Variants in ATF7 observed in about 807,000 individuals in gnomAD.
ATF7 encodes cyclic AMP-dependent transcription factor ATF-7.
Under a neutral mutation model 50.4 loss-of-function variants are expected in ATF7, and 10 were observed. The observed-to-expected ratio is 0.20, with a 90% CI of 0.12 to 0.34. The LOEUF (loss-of-function observed/expected upper bound fraction) is 0.34, where lower values mean the gene tolerates loss of function less well. Ranked by LOEUF, ATF7 falls within the 10% of genes least tolerant of loss-of-function variation. The pLI is 1.00. For missense variants in ATF7, 465 were observed against 613.9 expected (o/e 0.76, Z 2.56); for synonymous variants, 201 against 226.4 (o/e 0.89, Z 1.01).
rs1471021223 is a variant in ATF7 at position 53,513,619 on chromosome 12, T to G, written c.*3518A>C. On this transcript the variant is annotated 3_prime_UTR_variant, in exon 12 of 12. Transcript: ENST00000420353. ...AAAAAAATAATGTATTTCCTTCCTG[T>G]GTATATAATGTACAATATTAATGAA... 2 of 152,150 alleles carry G rather than the reference T, an allele frequency of 1.3e-5. No individual in the cohort carries two copies. The highest frequency in any genetic ancestry group is 4.8e-5 in the African/African-American group (2 of 41,410). The allele number at this position is 152,150 out of a possible 1,614,324, so 9.4% of individuals were successfully genotyped here.
At chr12:53,605,738 C>T (rs1474974564) in intron 1 of ATF7, among the ~76,000 whole-genome samples, 1 of 152,080 alleles carries the variant, frequency 6.6e-6, no homozygotes, top group Non-Finnish European at 1.5e-5. Flanking sequence ...AGTTTTCTGA[C>T]TAGAAAGGGG....
At chr12:53,580,076 G>A (rs1044054541) in intron 2 of ATF7, among the ~76,000 whole-genome samples, 2 of 151,670 alleles carry the variant, frequency 1.3e-5, no homozygotes, top group Non-Finnish European at 2.9e-5. Flanking sequence ...GACTACAAGC[G>A]CACACTGCCA....
chr12:53,524,444 C>A lies in ATF7; in HGVS notation c.1125+120G>T. ...GACCGTTAAGAGATTCTTCATGGGA[C>A]AACTAGATCTGTCCTAATTAGAGAA... On this transcript the variant is annotated intron_variant, in intron 10 of 11. Transcript: ENST00000420353. This position sits in a 1 kb window ranked among gnomAD's most constrained non-coding sequence, Gnocchi z 4.6. The A allele has an allele frequency of 8.8e-7, 1 of 1,140,406 alleles. No individual in the cohort carries two copies. The allele number at this position is 1,140,406 out of a possible 1,614,324, so 70.6% of individuals were successfully genotyped here. A position where few individuals can be genotyped will look rare whatever the true frequency, so the allele number is the denominator to read the frequency against.
chr12:53,623,198 C>T (rs1401588256), intron 1 of ATF7, among the ~76,000 whole-genome samples: 1 of 152,008 alleles, frequency 6.6e-6, no homozygotes, highest in Non-Finnish European at 1.5e-5. Flanking sequence ...AGACTTTCTC[C>T]TTAGAGTATT....
intron 2 of ATF7, among the ~76,000 whole-genome samples, chr12:53,560,138 G>A (rs983955686): frequency 6.6e-6 from 1 of 151,954 alleles, no homozygotes; most frequent in Non-Finnish European, 1.5e-5. Context: ...TGGCCAGGTT[G>A]GTCTTGAACT....
downstream of ATF7, among the ~76,000 whole-genome samples, chr12:53,510,493 TG>T (rs1446715776): frequency 6.6e-6 from 1 of 151,622 alleles, no homozygotes; most frequent in African/African-American, 2.4e-5. Flanking sequence ...ACTGCAGAGC[TG>T]GTTCTGGGCC....
intron 2 of ATF7, among the ~76,000 whole-genome samples, chr12:53,581,119 A>T (rs557901959): frequency 3.1e-4 from 47 of 152,094 alleles, no homozygotes; most frequent in South Asian, 1.0e-3. Context: ...CTCAAAAAAA[A>T]AAATAAATAA....
At chr12:53,545,566 C>T (rs920117767) in intron 3 of ATF7, among the ~76,000 whole-genome samples, 1 of 152,050 alleles carries the variant, frequency 6.6e-6, no homozygotes, top group African/African-American at 2.4e-5. Flanking sequence ...GAACTCCCAA[C>T]CTCAGGTGAT....
At chr12:53,543,708 T>C in intron 3 of ATF7, 1 of 428,452 alleles carries the variant, frequency 2.3e-6, no homozygotes, top group Non-Finnish European at 4.2e-6. Flanking sequence ...GTACCCACTT[T>C]TCTCTCAGTG....
At chr12:53,520,288 T>C (rs1938033724) in intron 11 of ATF7, among the ~76,000 whole-genome samples, 1 of 152,114 alleles carries the variant, frequency 6.6e-6, no homozygotes, top group African/African-American at 2.4e-5. Flanking sequence ...CTTTAAAAAC[T>C]AACTATGGCC....
intron 1 of ATF7, among the ~76,000 whole-genome samples, chr12:53,606,549 GGC>G (rs1490789428): frequency 1.3e-5 from 2 of 151,726 alleles, no homozygotes; most frequent in African/African-American, 4.8e-5. Flanking sequence ...TGCCTGGCCT[GGC>G]ACGTTTTTTT....
chr12:53,621,707 T>C lies in ATF7; in HGVS notation c.-22+4572A>G, dbSNP rs562267099. ...TGGTGGCTGAGGCAGGAGAATCGCT[T>C]GAACCCGGGAGGCGGAGGTTGCAGT... On this transcript the variant is annotated intron_variant, in intron 1 of 11. Transcript: ENST00000420353. Among the ~76,000 whole-genome samples, 5 of 149,400 alleles carry C rather than the reference T, an allele frequency of 3.3e-5. No homozygotes were observed. In the East Asian group the frequency reaches 9.9e-4, roughly 30 times the overall value.
intron 2 of ATF7, among the ~76,000 whole-genome samples, chr12:53,567,949 C>A (rs571104684): frequency 6.6e-6 from 1 of 152,284 alleles, no homozygotes; most frequent in East Asian, 1.9e-4. Flanking sequence ...GTACAAAATC[C>A]TTGAAAAACG....
chr12:53,540,363 A>AG (rs1939473937), intron 4 of ATF7, among the ~76,000 whole-genome samples: 1 of 151,852 alleles, frequency 6.6e-6, no homozygotes, highest in East Asian at 1.9e-4. Flanking sequence ...AAAAAAAAAA[A>AG]AAAAGAAAAA....
chr12:53,534,226 G>C (rs1486718758), intron 6 of ATF7, among the ~76,000 whole-genome samples: 1 of 152,030 alleles, frequency 6.6e-6, no homozygotes, highest in Non-Finnish European at 1.5e-5. Context: ...GCAGTGAGCC[G>C]AGATTGCACC....
intron 5 of ATF7, among the ~76,000 whole-genome samples, chr12:53,536,803 G>A (rs542192258): frequency 5.3e-5 from 8 of 152,000 alleles, no homozygotes; most frequent in East Asian, 2.0e-4. Flanking sequence ...CAGGAGAATC[G>A]CTCAAACCTG....
intron 2 of ATF7, chr12:53,574,915 G>T: frequency 3.5e-6 from 1 of 287,400 alleles, no homozygotes. Flanking sequence ...ACTTTAGTCA[G>T]AAAATAAAGT....
At chr12:53,557,670 G>C (rs998440537) in intron 2 of ATF7, among the ~76,000 whole-genome samples, 8 of 152,180 alleles carry the variant, frequency 5.3e-5, no homozygotes, top group Non-Finnish European at 4.4e-5. Context: ...AATCAGGACA[G>C]TTTCTCTCCT....
chr12:53,580,606 G>A (rs533250461), intron 2 of ATF7, among the ~76,000 whole-genome samples: 2 of 147,170 alleles, frequency 1.4e-5, no homozygotes, highest in Non-Finnish European at 1.5e-5. Flanking sequence ...GGAGCTTGCA[G>A]TGAGCGGAGA....
Sources: gnomAD v4.1 joint callset for allele counts (sites outside exome capture counted in the v4.1 genomes callset) on GRCh38, gnomAD v4.1.1 for gene constraint, Gnocchi (gnomAD v3.1) non-coding constraint, MANE v1.5 for transcripts, NCBI Gene and HGNC (gene_info 2026-07-23, HGNC 2026-07-21) for gene names.